The following MUC22 variants were observed in gnomAD, a reference collection of about 807,000 sequenced individuals.
MUC22 encodes mucin-22.
MUC22 carries 24 observed loss-of-function variants against 40.3 expected under a neutral mutation model. The ratio of observed to expected loss-of-function variants is 0.60; its 90% CI spans 0.43 to 0.84. The LOEUF (loss-of-function observed/expected upper bound fraction) is 0.84, where lower values mean the gene tolerates loss of function less well. Among genes scored for constraint, MUC22 ranks in the 40% least tolerant of loss-of-function variants. The pLI, the probability that MUC22 is intolerant of heterozygous loss-of-function variation, is 0.00. For missense variants in MUC22, 1,926 were observed against 2,130.7 expected (o/e 0.90, Z 1.89); for synonymous variants, 765 against 844.5 (o/e 0.91, Z 1.63).
At chr6:31,026,772 C>A in exon 2 of MUC22, 1 of 1,511,830 alleles carries the variant, frequency 6.6e-7, no homozygotes, top group East Asian at 2.5e-5. Flanking sequence ...CAGAGACCAC[C>A]ACAGTCTCTA....
chr6:31,016,182 A>T lies in MUC22; in HGVS notation c.70+5406A>T, dbSNP rs1443275355. ...TACTTTCTCTTATATTGCTGAGGACATTTGAAGTTGGTTTTGCTGTTTGCA... is the reference window on the plus strand; with the variant it reads ...TACTTTCTCTTATATTGCTGAGGACTTTTGAAGTTGGTTTTGCTGTTTGCA... On this transcript the variant is annotated intron_variant, in intron 1 of 3. Transcript: ENST00000561890. 2.1e-5 allele frequency among the ~76,000 whole-genome samples: 3 copies of T among 144,870 alleles called. No individual in the cohort carries two copies. In the Admixed American group the frequency reaches 2.1e-4, roughly 10 times the overall value.
exon 2 of MUC22, chr6:31,025,992 A>G (rs1316872174): frequency 1.3e-6 from 2 of 1,533,628 alleles, no homozygotes; most frequent in African/African-American, 1.4e-5. Flanking sequence ...AGACTGCCAC[A>G]GTCTCTACCA....
rs1487810603 is a variant in MUC22, at chr6:31,026,810, C to G, written c.1379C>G (p.Ser460Cys). 2.7e-6 allele frequency: 4 copies of G among 1,500,990 alleles called. No individual in the cohort carries two copies. The East Asian group carries it at 7.4e-5, about 28-fold the overall frequency. 93.0% of individuals were successfully genotyped at this position (1,500,990 alleles called of 1,614,324 possible). A position where few individuals can be genotyped will look rare whatever the true frequency, so the allele number is the denominator to read the frequency against. The change falls in exon 2 of 4, where the codon TCC becomes TGC. Residue 460 changes from serine (S) to cysteine (C), a missense_variant. Ser to Cys is a moderately radical substitution (Grantham distance 112). Transcript: ENST00000561890. ...GCAGGCTCTGAGACCACTACAGTCT[C>G]CACCACAGGCTCTGAGACCACAACA...
chr6:31,030,112 C>T lies in MUC22; in HGVS notation c.4669+12C>T. 2.0e-6 allele frequency: 3 copies of T among 1,499,722 alleles called. No individual in the cohort carries two copies. Among genetic ancestry groups the T allele is most frequent in the South Asian group, 2.6e-5 (2 of 77,676 alleles). The allele number at this position is 1,499,722 out of a possible 1,614,324, so 92.9% of individuals were successfully genotyped here. On this transcript the variant is annotated intron_variant, in intron 2 of 3. Transcript: ENST00000561890. ...CACACCTATGTCAGGTACTAACCCC[C>T]ATGTCTTCTTTGAGCCCACACATTT...
exon 2 of MUC22, chr6:31,028,237 A>G (rs1239045247): frequency 6.5e-7 from 1 of 1,535,058 alleles, no homozygotes; most frequent in Non-Finnish European, 8.7e-7. Context: ...CTCTGAGACC[A>G]CAGTCTCTAC....
At chr6:31,007,872 T>A (rs1632854), upstream of MUC22, among the ~76,000 whole-genome samples, 58,827 of 152,042 alleles carry the variant, frequency 0.39, 11,899 homozygotes, top group Admixed American at 0.45. The surrounding 1 kb of genome is among the most constrained non-coding windows in gnomAD (Gnocchi z 4.0). Context: ...TAAAAAAATG[T>A]TCTCGGACCA....
At position 31,029,902 on chromosome 6, in the gene MUC22, A is replaced by T. The variant is rs780168749; in HGVS notation, c.4471A>T (p.Ile1491Leu). The T allele has an allele frequency of 1.3e-5, 19 of 1,519,908 alleles. No individual in the cohort carries two copies. The South Asian group carries it at 2.2e-4, about 17-fold the overall frequency. 94.2% of individuals were successfully genotyped at this position (1,519,908 alleles called of 1,614,324 possible). A position where few individuals can be genotyped will look rare whatever the true frequency, so the allele number is the denominator to read the frequency against. Reference sequence around the variant, plus strand: ...CTCTGAGACCAACACTGCCTTCATCATAGGCTCTGAGAGCACCATAGCTTC... The same window carrying T: ...CTCTGAGACCAACACTGCCTTCATCTTAGGCTCTGAGAGCACCATAGCTTC... The change falls in exon 2 of 4, where the codon ATA becomes TTA. Residue 1491 changes from isoleucine to leucine, a missense_variant. By Grantham distance (5) the Ile-to-Leu change is conservative. Around this residue, in one of 3 missense-constraint regions of MUC22, gnomAD observed 610 missense variants for 714.6 expected, o/e 0.85. Coordinates refer to ENST00000561890, the Ensembl canonical transcript of MUC22.
At chr6:31,035,012 T>C (rs1489883148) in exon 4 of MUC22, 12 of 1,440,596 alleles carry the variant, frequency 8.3e-6, no homozygotes, top group South Asian at 4.1e-5. Context: ...TGGCCATAGA[T>C]TGGGTATCAA....
At chr6:31,010,398 C>G (rs749245277), upstream of MUC22, 1 of 339,628 alleles carries the variant, frequency 2.9e-6, no homozygotes, top group African/African-American at 2.1e-5. Context: ...ATGCCCCTCC[C>G]TGGGGAGGGA....
chr6:31,034,926 A>C (rs1239527486), exon 4 of MUC22: 1 of 1,535,526 alleles, frequency 6.5e-7, no homozygotes, highest in South Asian at 1.2e-5. Flanking sequence ...ATGGACATGG[A>C]GGAGGCCACT....
At chr6:31,017,091 T>A (rs1049785862) in intron 1 of MUC22, among the ~76,000 whole-genome samples, 1 of 152,218 alleles carries the variant, frequency 6.6e-6, no homozygotes, top group Non-Finnish European at 1.5e-5. Context: ...CACGCCGCCA[T>A]GGGCTCCTGT....
exon 2 of MUC22, chr6:31,026,187 C>A: frequency 1.3e-6 from 2 of 1,523,814 alleles, no homozygotes; most frequent in Non-Finnish European, 1.8e-6. Context: ...CGGCATCCAG[C>A]ATGAGCTCTG....
chr6:31,018,082 C>T (rs6910669), intron 1 of MUC22, among the ~76,000 whole-genome samples: 5,610 of 152,236 alleles, frequency 0.037, 214 homozygotes, highest in South Asian at 0.18. Context: ...GTGACACTCA[C>T]GGCGAGAGTC....
exon 2 of MUC22, chr6:31,028,516 A>C (rs1483341802): frequency 6.5e-7 from 1 of 1,533,092 alleles, no homozygotes; most frequent in Admixed American, 2.0e-5. Flanking sequence ...CATGGCATCC[A>C]TCATGGGCTC....
chr6:31,023,181 C>A (rs28732079), intron 1 of MUC22, among the ~76,000 whole-genome samples: 22 of 110,192 alleles, frequency 2.0e-4, no homozygotes, highest in East Asian at 6.8e-4. Context: ...AAAAAAAAGG[C>A]GAAAAATGGA....
chr6:31,020,380 G>C (rs1764583502), intron 1 of MUC22, among the ~76,000 whole-genome samples: 1 of 149,456 alleles, frequency 6.7e-6, no homozygotes, highest in Admixed American at 6.7e-5. Context: ...TCAATATGAA[G>C]ATGAAATGAA....
At chr6:31,019,324 A>G (rs1268334363) in intron 1 of MUC22, among the ~76,000 whole-genome samples, 1 of 152,228 alleles carries the variant, frequency 6.6e-6, no homozygotes, top group African/African-American at 2.4e-5. Flanking sequence ...ACTGAAAGGT[A>G]TCTCCCCTGC....
chr6:31,016,477 CAAG>C (rs141813586), intron 1 of MUC22, among the ~76,000 whole-genome samples: 22,070 of 152,162 alleles, frequency 0.15, 1,748 homozygotes, highest in African/African-American at 0.19. Flanking sequence ...TTTCTTTCCA[CAAG>C]AAGAATTCTC....
At chr6:31,033,389 G>A (rs10947123) in intron 3 of MUC22, among the ~76,000 whole-genome samples, 16,720 of 152,128 alleles carry the variant, frequency 0.11, 1,138 homozygotes, top group Middle Eastern at 0.17. Flanking sequence ...TCCAAAATGC[G>A]GGCTTCCGAT....
Sources: allele counts gnomAD v4.1 joint callset (sites outside exome capture counted in the v4.1 genomes callset), GRCh38; gene constraint gnomAD v4.1.1; regional missense constraint gnomAD v4.1.1; non-coding constraint Gnocchi (gnomAD v3.1); transcripts MANE v1.5; gene names NCBI Gene and HGNC (gene_info 2026-07-23, HGNC 2026-07-21).